GPR158: variants seen among roughly 807,000 people sequenced by gnomAD.
The protein encoded by GPR158 is G protein-coupled receptor 158.
In GPR158, 30 loss-of-function variants were observed where a neutral mutation model predicts 78.2. The observed-to-expected ratio is 0.38, with a 90% CI of 0.29 to 0.52. The LOEUF (loss-of-function observed/expected upper bound fraction) is 0.52, where lower values mean the gene tolerates loss of function less well. Among genes scored for constraint, GPR158 ranks in the 20% least tolerant of loss-of-function variants. The pLI is 0.83. For synonymous variants in GPR158, 581 were observed against 591.1 expected, an observed-to-expected ratio of 0.98 and a Z score of 0.25; for missense variants, 1,463 against 1,523.5, an observed-to-expected ratio of 0.96 and a Z score of 0.66.
chr10:25,362,666 T>A (rs1487069271), intron 2 of GPR158, among the ~76,000 whole-genome samples: 1 of 151,958 alleles, frequency 6.6e-6, no homozygotes, highest in Non-Finnish European at 1.5e-5. Context: ...TTTAACTTCC[T>A]TGATTAGGTT....
rs760850067 is a variant in GPR158, at chr10:25,176,078, A to G, written c.658A>G (p.Thr220Ala). ...APHLANATLE[T>A]EWFHGLRRKW... is the part of the protein sequence containing the mutation. ...CCACCTGGCCAACGCCACTCTGGAG[A>G]CCGAGTGGTTCCACGGCCTCCGGCG... Residue 220 changes from threonine to alanine, a missense_variant, in exon 1 of 11, where the codon ACC becomes GCC. By Grantham distance (58) the Thr-to-Ala change is moderately conservative (BLOSUM62 0). Coordinates refer to ENST00000376351, the MANE Select transcript of GPR158 (RefSeq NM_020752.3). The surrounding 1 kb of genome is among the most constrained non-coding windows in gnomAD (Gnocchi z 6.3). 6.3e-7 allele frequency: 1 copy of G among 1,599,924 alleles called. No individual in the cohort carries two copies. The highest frequency in any genetic ancestry group is 1.1e-5 in the South Asian group (1 of 89,142).
At chr10:25,232,134 G>GA (rs112822044) in intron 2 of GPR158, among the ~76,000 whole-genome samples, 25 of 151,970 alleles carry the variant, frequency 1.6e-4, no homozygotes, top group African/African-American at 7.2e-5. Flanking sequence ...CAATCAGGGG[G>GA]AAAAAACCTA....
intron 2 of GPR158, among the ~76,000 whole-genome samples, chr10:25,283,847 G>A (rs150957711): frequency 0.012 from 1,762 of 151,700 alleles, 23 homozygotes; most frequent in South Asian, 0.057. Context: ...AATTCCTCTT[G>A]AAACTTCCCA....
At chr10:25,509,569 G>C (rs1185869407) in intron 5 of GPR158, among the ~76,000 whole-genome samples, 2 of 152,244 alleles carry the variant, frequency 1.3e-5, no homozygotes, top group African/African-American at 4.8e-5. Flanking sequence ...GACTATAATA[G>C]CTACAGCTGT....
intron 4 of GPR158, among the ~76,000 whole-genome samples, chr10:25,435,484 T>C (rs563021557): frequency 6.6e-5 from 10 of 152,186 alleles, no homozygotes; most frequent in Admixed American, 6.5e-4. Flanking sequence ...AAATTATGTC[T>C]ATGAAGGCAC....
At chr10:25,415,365 T>C (rs142190535) in intron 4 of GPR158, among the ~76,000 whole-genome samples, 11 of 143,930 alleles carry the variant, frequency 7.6e-5, no homozygotes, top group Non-Finnish European at 1.4e-4. Flanking sequence ...AGGATCTAAA[T>C]AGACATTTCT....
chr10:25,332,740 A>G (rs1855144327), intron 2 of GPR158, among the ~76,000 whole-genome samples: 1 of 152,160 alleles, frequency 6.6e-6, no homozygotes, highest in Non-Finnish European at 1.5e-5. Flanking sequence ...CAAAGAGAAC[A>G]TTTCAATTTT....
chr10:25,314,851 ACACACAC>A lies in GPR158; in HGVS notation c.1009-81059_1009-81053del, dbSNP rs1486529446. 3.6e-3 allele frequency among the ~76,000 whole-genome samples: 463 copies of A among 127,670 alleles called. 5 individuals are homozygous for A. Among genetic ancestry groups the A allele is most frequent in the African/African-American group, 0.012 (392 of 31,930 alleles). The allele number at this position is 127,670 out of a possible 152,430, so 83.8% of individuals were successfully genotyped here. On this transcript the variant is annotated intron_variant, in intron 2 of 10. Transcript: ENST00000376351. The stretch of plus-strand genomic sequence containing the variant: ...GTCATACATATACACGTATATACAT[ACACACAC>A]TGTCATATATATATATATATATATA...
At chr10:25,596,441 G>T (rs1837407331) in intron 9 of GPR158, among the ~76,000 whole-genome samples, 2 of 151,982 alleles carry the variant, frequency 1.3e-5, no homozygotes, top group African/African-American at 2.4e-5. Flanking sequence ...CTGCTCTCCT[G>T]GCTGAGCAAC....
chr10:25,402,285 A>G (rs558320632), intron 3 of GPR158, among the ~76,000 whole-genome samples: 6 of 152,252 alleles, frequency 3.9e-5, no homozygotes, highest in African/African-American at 1.2e-4. Flanking sequence ...CGAAAAGAAC[A>G]AAGAAATGCT....
chr10:25,347,948 T>C (rs953247405), intron 2 of GPR158, among the ~76,000 whole-genome samples: 5 of 151,926 alleles, frequency 3.3e-5, no homozygotes, highest in African/African-American at 1.2e-4. Flanking sequence ...CCAATATTAA[T>C]GCCCAGCCTT....
At chr10:25,462,931 G>T (rs1835375325) in intron 4 of GPR158, among the ~76,000 whole-genome samples, 1 of 152,182 alleles carries the variant, frequency 6.6e-6, no homozygotes, top group South Asian at 2.1e-4. Context: ...TAGTTAAGAG[G>T]ATTGACTCCA....
chr10:25,437,045 TAAG>T (rs1215654374), intron 4 of GPR158, among the ~76,000 whole-genome samples: 2 of 152,072 alleles, frequency 1.3e-5, no homozygotes, highest in Non-Finnish European at 1.5e-5. Context: ...GCAGAACAAT[TAAG>T]AAGGAGGAGG....
chr10:25,482,622 T>C (rs1486802205), intron 5 of GPR158, among the ~76,000 whole-genome samples: 1 of 152,116 alleles, frequency 6.6e-6, no homozygotes, highest in Non-Finnish European at 1.5e-5. Context: ...GGGTCTTTTC[T>C]CTTTTCCCTT....
chr10:25,467,737 C>G (rs1017150633), intron 5 of GPR158, among the ~76,000 whole-genome samples: 1 of 152,050 alleles, frequency 6.6e-6, no homozygotes, highest in Non-Finnish European at 1.5e-5. Context: ...TAGCAGAGAA[C>G]AGTACACTTG....
At chr10:25,425,956 T>C (rs773520498) in intron 4 of GPR158, among the ~76,000 whole-genome samples, 7 of 152,198 alleles carry the variant, frequency 4.6e-5, no homozygotes, top group Admixed American at 1.3e-4. Context: ...GTTATTTTAA[T>C]ATTGAGCAAC....
At position 25,598,991 on chromosome 10, in the gene GPR158, C is replaced by G. The variant is rs148286645; in HGVS notation, c.3365C>G (p.Pro1122Arg). 5.6e-6 allele frequency: 9 copies of G among 1,613,958 alleles called. No homozygotes were observed. The highest frequency in any genetic ancestry group is 6.8e-6 in the Non-Finnish European group (8 of 1,180,034). Reference sequence around the variant, plus strand: ...GCTGGGCAGAGCGAAGAACTGCCCCCCAAAGCTGTAGCATCAAAAACAGAG... The same window carrying G: ...GCTGGGCAGAGCGAAGAACTGCCCCGCAAAGCTGTAGCATCAAAAACAGAG... Reference protein sequence around the residue: ...VCAGQSEELPPKAVASKTENE... With the variant: ...VCAGQSEELPRKAVASKTENE... Residue 1122 changes from proline (P) to arginine (R), a missense_variant, in exon 11 of 11, where the codon CCC (proline) becomes CGC (arginine). Transcript: ENST00000376351.
In GPR158 at chr10:25,572,797, C is replaced by T. The variant is rs772602308; in HGVS notation, c.1663C>T (p.Gln555Ter). The T allele has an allele frequency of 6.2e-7, 1 of 1,613,876 alleles. No homozygotes were observed. The highest frequency in any genetic ancestry group is 1.1e-5 in the South Asian group (1 of 91,080). Residue 555 changes from glutamine (Q) to a stop codon, truncating the protein, a stop_gained, in exon 7 of 11, where the codon CAG becomes TAG. Coordinates refer to ENST00000376351, the MANE Select transcript of GPR158 (RefSeq NM_020752.3). LOFTEE classifies it high-confidence loss of function. ...TSSVCQNLEK[Q>*]ISLIGQGKTS... Reference sequence around the variant, plus strand: ...ATCTGTGTGCCAGAATTTGGAGAAACAGATTTCACTTATTGGCCAGGGGAA... The same window carrying T: ...ATCTGTGTGCCAGAATTTGGAGAAATAGATTTCACTTATTGGCCAGGGGAA...
chr10:25,278,474 A>G (rs1854217852), intron 2 of GPR158, among the ~76,000 whole-genome samples: 1 of 152,120 alleles, frequency 6.6e-6, no homozygotes, highest in Non-Finnish European at 1.5e-5. Flanking sequence ...TAGTAGACTG[A>G]AAAAATAGAA....
Sources: gnomAD v4.1 joint callset for allele counts (sites outside exome capture counted in the v4.1 genomes callset) on GRCh38, gnomAD v4.1.1 for gene constraint, Gnocchi (gnomAD v3.1) non-coding constraint, MANE v1.5 for transcripts, NCBI Gene and HGNC (gene_info 2026-07-23, HGNC 2026-07-21) for gene names.